SLIT2: variants seen among roughly 807,000 people sequenced by gnomAD.
The protein encoded by SLIT2 is slit homolog 2 protein.
SLIT2 carries 41 observed loss-of-function variants against 185.7 expected under a neutral mutation model. The ratio of observed to expected loss-of-function variants is 0.22; its 90% CI spans 0.17 to 0.29. The LOEUF is 0.29. SLIT2 is among the 10% of genes least tolerant of loss of function. The pLI, the probability that SLIT2 is intolerant of heterozygous loss-of-function variation, is 1.00. For synonymous variants in SLIT2, 693 were observed against 680.2 expected (o/e 1.02, Z -0.29); for missense variants, 1,571 against 1,909.0 (o/e 0.82, Z 3.30).
chr4:20,449,009 G>A (rs988713745), intron 4 of SLIT2, among the ~76,000 whole-genome samples: 1 of 152,070 alleles, frequency 6.6e-6, no homozygotes, highest in Non-Finnish European at 1.5e-5. Context: ...TTTCTAGAGG[G>A]ACTTACATTT....
chr4:20,331,067 CAT>C (rs1330252659), intron 4 of SLIT2, among the ~76,000 whole-genome samples: 1 of 152,104 alleles, frequency 6.6e-6, no homozygotes, highest in Non-Finnish European at 1.5e-5. Context: ...AGGAAGGACA[CAT>C]GACTGTGTTG....
At chr4:20,508,356 C>G (rs1229592122) in intron 9 of SLIT2, among the ~76,000 whole-genome samples, 1 of 151,952 alleles carries the variant, frequency 6.6e-6, no homozygotes, top group Non-Finnish European at 1.5e-5. Flanking sequence ...CTTAAAATAA[C>G]TAAGCATTGT....
chr4:20,502,435 G>T (rs1207450832), intron 9 of SLIT2, among the ~76,000 whole-genome samples: 1 of 152,120 alleles, frequency 6.6e-6, no homozygotes, highest in Non-Finnish European at 1.5e-5. Flanking sequence ...TGGATGAAAG[G>T]GGACAGTCTC....
chr4:20,596,746 G>C, intron 32 of SLIT2, 91 bp downstream of exon 32: 1 of 1,312,134 alleles, frequency 7.6e-7, no homozygotes, highest in Non-Finnish European at 1.0e-6. Context: ...ATGATTGATA[G>C]TATGTCTTAA....
chr4:20,307,383 C>T (rs970458741), intron 4 of SLIT2, among the ~76,000 whole-genome samples: 3 of 151,488 alleles, frequency 2.0e-5, no homozygotes, highest in Non-Finnish European at 2.9e-5. Context: ...CTGCCTCAGC[C>T]TCCCACGTGG....
rs1715832953 is a variant in SLIT2, at chr4:20,473,924, C to G, written c.467+6101C>G. 2.0e-5 allele frequency among the ~76,000 whole-genome samples: 3 copies of G among 151,950 alleles called. No individual in the cohort carries two copies. The South Asian group carries it at 6.2e-4, about 31-fold the overall frequency. On this transcript the variant is annotated intron_variant, in intron 5 of 36. Transcript: ENST00000504154. ...TGTCTTCTTTAATCTGTTAGTTTTTCTGTTTAGTTCATTGGATTTTATTTC... is the reference window on the plus strand; with the variant it reads ...TGTCTTCTTTAATCTGTTAGTTTTTGTGTTTAGTTCATTGGATTTTATTTC...
chr4:20,267,702 T>A (rs746321113), intron 3 of SLIT2, among the ~76,000 whole-genome samples: 9 of 151,888 alleles, frequency 5.9e-5, no homozygotes, highest in African/African-American at 1.4e-4. Context: ...TTCTGCCCTC[T>A]GGAGACTAAA....
intron 11 of SLIT2, among the ~76,000 whole-genome samples, chr4:20,512,697 A>G (rs912788673): frequency 6.6e-6 from 1 of 152,198 alleles, no homozygotes; most frequent in Non-Finnish European, 1.5e-5. Context: ...ACTCCCTGTC[A>G]TACAGAAGGA....
intron 5 of SLIT2, among the ~76,000 whole-genome samples, chr4:20,470,956 G>A (rs1714932594): frequency 2.0e-5 from 3 of 152,114 alleles, no homozygotes. Flanking sequence ...TGAGTATTGT[G>A]GCATCTACAT....
chr4:20,265,611 A>G (rs911190093), intron 3 of SLIT2, among the ~76,000 whole-genome samples: 20 of 151,948 alleles, frequency 1.3e-4, no homozygotes, highest in African/African-American at 4.6e-4. Flanking sequence ...TGAAATAATT[A>G]TAAAGTACTG....
At chr4:20,567,064 C>A (rs957597498) in intron 26 of SLIT2, among the ~76,000 whole-genome samples, 198 bp from the exon 27 acceptor site, 23 of 151,954 alleles carry the variant, frequency 1.5e-4, no homozygotes, top group African/African-American at 5.3e-4. Context: ...ACAGTACATC[C>A]AATTGAGAAG....
At chr4:20,398,773 A>G (rs1370556263) in intron 4 of SLIT2, among the ~76,000 whole-genome samples, 2 of 151,810 alleles carry the variant, frequency 1.3e-5, no homozygotes, top group African/African-American at 2.4e-5. Context: ...TCATTTATCA[A>G]TTATAATTTC....
At chr4:20,283,061 T>TA in intron 4 of SLIT2, among the ~76,000 whole-genome samples, 1 of 152,202 alleles carries the variant, frequency 6.6e-6, no homozygotes, top group Non-Finnish European at 1.5e-5. Context: ...TTAGCACCAC[T>TA]ATTTGCTTTA....
chr4:20,494,425 G>A (rs1718045274), intron 9 of SLIT2, among the ~76,000 whole-genome samples: 1 of 152,172 alleles, frequency 6.6e-6, no homozygotes, highest in African/African-American at 2.4e-5. Context: ...AAACTGGAAA[G>A]GAAGATGACA....
intron 29 of SLIT2, among the ~76,000 whole-genome samples, chr4:20,581,840 G>A (rs543229051): frequency 1.2e-4 from 19 of 152,244 alleles, no homozygotes; most frequent in East Asian, 5.8e-4. Context: ...TCCACCTCCC[G>A]GGTTCAAGCA....
At chr4:20,387,435 T>C (rs1284255751) in intron 4 of SLIT2, among the ~76,000 whole-genome samples, 1 of 152,146 alleles carries the variant, frequency 6.6e-6, no homozygotes, top group Non-Finnish European at 1.5e-5. Context: ...TAGTATTGTT[T>C]ACCATTTTTG....
chr4:20,436,401 G>A (rs1391356143), intron 4 of SLIT2, among the ~76,000 whole-genome samples: 3 of 152,190 alleles, frequency 2.0e-5, no homozygotes, highest in Non-Finnish European at 4.4e-5. Context: ...CATCCCAGGT[G>A]AGGGCCACCA....
chr4:20,601,583 A>G (rs1728415149), intron 33 of SLIT2, among the ~76,000 whole-genome samples: 2 of 152,192 alleles, frequency 1.3e-5, no homozygotes, highest in Admixed American at 6.5e-5. Context: ...GCAGTTTTAC[A>G]TAACTCTTAG....
intron 4 of SLIT2, among the ~76,000 whole-genome samples, chr4:20,449,077 CTATTA>C (rs1238426119): frequency 1.3e-5 from 2 of 151,908 alleles, no homozygotes; most frequent in African/African-American, 2.4e-5. Context: ...TTTTGTTATA[CTATTA>C]TTTCAATATT....
Sources: gnomAD v4.1 joint callset for allele counts (sites outside exome capture counted in the v4.1 genomes callset) on GRCh38, gnomAD v4.1.1 for gene constraint, MANE v1.5 for transcripts, NCBI Gene and HGNC (gene_info 2026-07-23, HGNC 2026-07-21) for gene names.